The following NKAIN3 variants were observed in gnomAD, a reference collection of about 807,000 sequenced individuals.
NKAIN3 encodes the protein sodium/potassium-transporting ATPase subunit beta-1-interacting protein 3.
Under a neutral mutation model 30.2 loss-of-function variants are expected in NKAIN3, and 25 were observed. That is an observed-to-expected ratio of 0.83 (90% CI 0.60 to 1.16). The LOEUF is 1.16. NKAIN3 is among the 50% of genes most tolerant of loss of function. The probability of loss-of-function intolerance (pLI) is 0.00; values close to 1 mark genes in which losing one functional copy is unlikely to be tolerated. For missense variants in NKAIN3, 225 were observed against 254.1 expected, an observed-to-expected ratio of 0.89 and a Z score of 0.78; for synonymous variants, 91 against 89.6, an observed-to-expected ratio of 1.02 and a Z score of -0.09.
chr8:62,706,333 A>T (rs1228571311), intron 3 of NKAIN3, among the ~76,000 whole-genome samples: 1 of 152,040 alleles, frequency 6.6e-6, no homozygotes, highest in Non-Finnish European at 1.5e-5. Flanking sequence ...TTAGGGGAGG[A>T]GGGACATGCA....
At chr8:62,511,892 T>C (rs528405086) in intron 1 of NKAIN3, among the ~76,000 whole-genome samples, 23 of 152,306 alleles carry the variant, frequency 1.5e-4, no homozygotes, top group African/African-American at 5.1e-4. Context: ...GTCTCACTCA[T>C]TCATTGTGTT....
intron 4 of NKAIN3, among the ~76,000 whole-genome samples, chr8:62,753,083 G>A (rs1816337833): frequency 6.6e-6 from 1 of 151,962 alleles, no homozygotes; most frequent in African/African-American, 2.4e-5. Flanking sequence ...CCAGTGGGGG[G>A]ATTTCAAAAC....
intron 1 of NKAIN3, among the ~76,000 whole-genome samples, chr8:62,313,543 A>G (rs1814515195): frequency 6.6e-6 from 1 of 152,186 alleles, no homozygotes; most frequent in African/African-American, 2.4e-5. Flanking sequence ...TACTCAGGGC[A>G]TAAATGTCAG....
chr8:62,944,023 G>T (rs904435909), intron 5 of NKAIN3, among the ~76,000 whole-genome samples: 1 of 151,870 alleles, frequency 6.6e-6, no homozygotes, highest in African/African-American at 2.4e-5. Context: ...GGTGGGAGTG[G>T]GTGAGGGATA....
intron 3 of NKAIN3, among the ~76,000 whole-genome samples, chr8:62,702,985 G>A (rs1240584942): frequency 2.0e-5 from 3 of 152,138 alleles, no homozygotes; most frequent in Non-Finnish European, 4.4e-5. Flanking sequence ...GAATCAAATT[G>A]TCAGCATTAA....
chr8:62,317,820 A>G (rs1369077817), intron 1 of NKAIN3, among the ~76,000 whole-genome samples: 1 of 152,202 alleles, frequency 6.6e-6, no homozygotes, highest in Non-Finnish European at 1.5e-5. Flanking sequence ...GAAGAAAGTC[A>G]TTGGTAGCTT....
At chr8:62,251,480 A>T (rs1377096810) in intron 1 of NKAIN3, among the ~76,000 whole-genome samples, 16 of 152,278 alleles carry the variant, frequency 1.1e-4, no homozygotes, top group African/African-American at 3.8e-4. Context: ...TCTGACATGA[A>T]TGCTGGTGAA....
chr8:62,252,880 C>T (rs555867887), intron 1 of NKAIN3, among the ~76,000 whole-genome samples: 6 of 152,304 alleles, frequency 3.9e-5, no homozygotes, highest in African/African-American at 1.4e-4. Context: ...TCAGGTACCA[C>T]ATTTAAATAA....
chr8:62,625,555 T>G (rs1477811831), intron 3 of NKAIN3, among the ~76,000 whole-genome samples: 1 of 152,102 alleles, frequency 6.6e-6, no homozygotes, highest in Non-Finnish European at 1.5e-5. Flanking sequence ...TTGCTTAACA[T>G]AAAATTCCAG....
chr8:62,860,757 G>A (rs750316194), intron 4 of NKAIN3, among the ~76,000 whole-genome samples: 1 of 152,172 alleles, frequency 6.6e-6, no homozygotes, highest in Non-Finnish European at 1.5e-5. Flanking sequence ...GGTTGCAAGT[G>A]GTGACTAGGA....
chr8:62,683,029 G>T (rs754256591), intron 3 of NKAIN3, among the ~76,000 whole-genome samples: 6 of 150,726 alleles, frequency 4.0e-5, no homozygotes, highest in African/African-American at 9.7e-5. Context: ...TTGTTTTTTT[G>T]TTTGTTTGTT....
At position 62,974,688 on chromosome 8, in the gene NKAIN3, C is replaced by T. The variant is rs1237757422; in HGVS notation, c.*9281C>T. On this transcript the variant is annotated 3_prime_UTR_variant, in exon 7 of 7. Coordinates refer to ENST00000623646, the MANE Select transcript of NKAIN3 (RefSeq NM_001304533.3). ...TGCCTGTTTGCCCTGGCCAGAACTT[C>T]TAATACTGTGTTGAATAGGAGTGGT... 1.3e-5 allele frequency among the ~76,000 whole-genome samples: 2 copies of T among 152,186 alleles called. No homozygotes were observed. The highest frequency in any genetic ancestry group is 4.1e-4 in the South Asian group (2 of 4,822).
intron 4 of NKAIN3, among the ~76,000 whole-genome samples, chr8:62,846,449 T>G (rs1819692267): frequency 6.6e-6 from 1 of 152,098 alleles, no homozygotes; most frequent in African/African-American, 2.4e-5. Context: ...ACAGCATCTA[T>G]TAGCTATTCT....
intron 1 of NKAIN3, among the ~76,000 whole-genome samples, chr8:62,448,285 C>A (rs1442973324): frequency 6.6e-6 from 1 of 151,688 alleles, no homozygotes; most frequent in African/African-American, 2.4e-5. Context: ...CAAAGAGCTT[C>A]TTTTCAGGTT....
chr8:62,811,294 A>AT (rs1818480471), intron 4 of NKAIN3, among the ~76,000 whole-genome samples: 1 of 152,108 alleles, frequency 6.6e-6, no homozygotes, highest in Non-Finnish European at 1.5e-5. Flanking sequence ...TGTTGTTTAC[A>AT]GTTTTGGGCC....
At chr8:62,904,658 CT>C (rs1351966606) in intron 4 of NKAIN3, among the ~76,000 whole-genome samples, 1 of 152,218 alleles carries the variant, frequency 6.6e-6, no homozygotes, top group Non-Finnish European at 1.5e-5. Context: ...AATTCATCCA[CT>C]GTATTTCAGA....
chr8:62,718,888 A>T (rs1410415097), intron 3 of NKAIN3, among the ~76,000 whole-genome samples: 2 of 152,210 alleles, frequency 1.3e-5, no homozygotes, highest in Admixed American at 6.5e-5. Context: ...TTTAAGACCA[A>T]ATAATTCATT....
intron 5 of NKAIN3, among the ~76,000 whole-genome samples, chr8:62,922,005 T>G (rs1822294649): frequency 6.6e-6 from 1 of 152,202 alleles, no homozygotes; most frequent in Non-Finnish European, 1.5e-5. Context: ...GCACATTTAT[T>G]TGGGCTCACA....
intron 4 of NKAIN3, among the ~76,000 whole-genome samples, chr8:62,853,864 C>T (rs1384695397): frequency 6.6e-6 from 1 of 152,108 alleles, no homozygotes; most frequent in East Asian, 1.9e-4. Flanking sequence ...CTTGACACTG[C>T]TTTATCTACA....
Sources: gnomAD v4.1 joint callset for allele counts (sites outside exome capture counted in the v4.1 genomes callset) on GRCh38, gnomAD v4.1.1 for gene constraint, MANE v1.5 for transcripts, NCBI Gene and HGNC (gene_info 2026-07-23, HGNC 2026-07-21) for gene names.